Variants in TMTC4 observed in about 807,000 individuals in gnomAD.
TMTC4 encodes the protein transmembrane O-mannosyltransferase targeting cadherins 4.
A neutral mutation model predicts 86.0 loss-of-function variants in TMTC4; 65 were observed. The ratio of observed to expected loss-of-function variants is 0.76; its 90% confidence interval spans 0.62 to 0.93. The LOEUF is 0.93. Ranked by LOEUF, TMTC4 falls within the 40% of genes least tolerant of loss-of-function variation. The probability of loss-of-function intolerance (pLI) is 0.00; values close to 1 mark genes in which losing one functional copy is unlikely to be tolerated. For missense variants in TMTC4, 866 were observed against 948.1 expected (o/e 0.91, Z 1.14); for synonymous variants, 379 against 382.5 (o/e 0.99, Z 0.11).
chr13:100,649,003 T>G (rs999790220), intron 6 of TMTC4, among the ~76,000 whole-genome samples: 6 of 152,324 alleles, frequency 3.9e-5, no homozygotes, highest in African/African-American at 1.2e-4. Flanking sequence ...CTCAATATTT[T>G]ATCCAGTCAT....
At chr13:100,674,695 G>A in intron 1 of TMTC4, 49 bp downstream of exon 1, 1 of 982,724 alleles carries the variant, frequency 1.0e-6, no homozygotes, top group Non-Finnish European at 1.2e-6. Context: ...GTCCAACTCC[G>A]CTCGCCCCGC....
intron 16 of TMTC4, among the ~76,000 whole-genome samples, 193 bp downstream of exon 16, chr13:100,614,123 G>A (rs113696031): frequency 5.3e-5 from 8 of 152,110 alleles, no homozygotes; most frequent in Admixed American, 2.0e-4. Context: ...ACAGGTGTGA[G>A]CAACCGTGCC....
intron 5 of TMTC4, among the ~76,000 whole-genome samples, chr13:100,660,009 A>G (rs1885571429): frequency 6.6e-6 from 1 of 150,832 alleles, no homozygotes; most frequent in South Asian, 2.1e-4. Context: ...AAGACCTAAA[A>G]CATATTAATA....
At chr13:100,668,410 C>T in intron 3 of TMTC4, 169 bp downstream of exon 3, 1 of 682,852 alleles carries the variant, frequency 1.5e-6, no homozygotes. Context: ...ATAAGAAAGG[C>T]ACTAAATCAT....
intron 6 of TMTC4, among the ~76,000 whole-genome samples, chr13:100,649,923 T>C (rs888254079): frequency 2.6e-5 from 4 of 152,128 alleles, no homozygotes; most frequent in Non-Finnish European, 5.9e-5. Context: ...GCTGCACTTA[T>C]AAATATTTTT....
intron 6 of TMTC4, among the ~76,000 whole-genome samples, chr13:100,647,809 G>A (rs1461277461): frequency 6.6e-6 from 1 of 152,112 alleles, no homozygotes; most frequent in Non-Finnish European, 1.5e-5. Flanking sequence ...CTCTTATCTG[G>A]AATTTAAAAT....
intron 15 of TMTC4, among the ~76,000 whole-genome samples, chr13:100,622,903 A>G (rs1879765361): frequency 6.6e-6 from 1 of 152,212 alleles, no homozygotes; most frequent in Non-Finnish European, 1.5e-5. Context: ...CAGAGGGGGA[A>G]GGTCACATTT....
chr13:100,629,501 A>G (rs1292635799), intron 12 of TMTC4, among the ~76,000 whole-genome samples: 1 of 152,134 alleles, frequency 6.6e-6, no homozygotes, highest in East Asian at 1.9e-4. Flanking sequence ...AGGGCTGTGA[A>G]GTTGGATTAG....
chr13:100,613,334 C>T (rs569508364), intron 16 of TMTC4, among the ~76,000 whole-genome samples: 2 of 152,286 alleles, frequency 1.3e-5, no homozygotes, highest in African/African-American at 2.4e-5. Context: ...TGATATTTGC[C>T]TTTCTGTGCC....
chr13:100,623,963 G>T, intron 15 of TMTC4: 1 of 421,004 alleles, frequency 2.4e-6, no homozygotes, highest in Non-Finnish European at 4.7e-6. Context: ...CATTGTATGG[G>T]TCCAGTCTCT....
chr13:100,640,844 C>A (rs1379972159), intron 7 of TMTC4, among the ~76,000 whole-genome samples: 2 of 151,484 alleles, frequency 1.3e-5, no homozygotes, highest in Non-Finnish European at 2.9e-5. Context: ...AATTCCATAT[C>A]TTTCCATTTC....
intron 12 of TMTC4, among the ~76,000 whole-genome samples, chr13:100,632,053 A>ACACACACACACACACACTCTCTCTCT (rs1296569630): frequency 4.6e-5 from 2 of 43,104 alleles, no homozygotes; most frequent in African/African-American, 1.7e-4. Flanking sequence ...ACACACACAC[A>ACACACACACACACACACTCTCTCTCT]CTCTCTCTCT....
rs1881496711 is a variant in TMTC4, at chr13:100,632,051, ACACTCTCTCTCTCTCTCTCTCTCTCT to A, written c.1506+2728_1506+2753del. ...CACACACACACACACACACACACAC[ACACTCTCTCTCTCTCTCTCTCTCTCT>A]CTCTCTCTCTCTCTCTGTCTTTCTC... On this transcript the variant is annotated intron_variant, in intron 12 of 18. Transcript: ENST00000342624. 1.1e-4 allele frequency among the ~76,000 whole-genome samples: 3 copies of A among 28,544 alleles called. No individual in the cohort carries two copies. The South Asian group carries it at 3.6e-3, about 34-fold the overall frequency. 18.7% of individuals were successfully genotyped at this position (28,544 alleles called of 152,430 possible). A position where few individuals can be genotyped will look rare whatever the true frequency, so the allele number is the denominator to read the frequency against.
At position 100,612,410 on chromosome 13, in the gene TMTC4, G is replaced by A. The variant is rs1056056882; in HGVS notation, c.2052C>T (p.Ser684=). Residue 684 remains serine (S), a synonymous_variant, in exon 17 of 19, where the codon TCC becomes TCT. Transcript: ENST00000342624. ...GCGGTTTACGCACCTTGTATTTCTGGGATTTCCCCAGCACGTTTGCCAACG... is the reference window on the plus strand; with the variant it reads ...GCGGTTTACGCACCTTGTATTTCTGAGATTTCCCCAGCACGTTTGCCAACG... The part of the protein sequence containing the change: ...MFSLANVLGK[S]QKYKESEALF... 1.2e-6 allele frequency: 2 copies of A among 1,607,628 alleles called. No homozygotes were observed. Among genetic ancestry groups the A allele is most frequent in the Non-Finnish European group, 8.5e-7 (1 of 1,177,984 alleles).
chr13:100,648,697 T>C (rs958245959), intron 6 of TMTC4, among the ~76,000 whole-genome samples: 1 of 152,226 alleles, frequency 6.6e-6, no homozygotes, highest in Non-Finnish European at 1.5e-5. Context: ...ATTTTTGTTT[T>C]GAGACAAGGT....
intron 9 of TMTC4, among the ~76,000 whole-genome samples, chr13:100,637,178 C>G (rs1882351381): frequency 6.6e-6 from 1 of 152,058 alleles, no homozygotes; most frequent in African/African-American, 2.4e-5. Context: ...AAAGAATAGT[C>G]TTGACACCAC....
At position 100,655,016 on chromosome 13, in the gene TMTC4, A is replaced by ATTTT. The variant is rs35965658; in HGVS notation, c.640+1361_640+1364dup. 6.6e-4 allele frequency among the ~76,000 whole-genome samples: 78 copies of ATTTT among 118,600 alleles called. 4 individuals are homozygous for ATTTT. The highest frequency in any genetic ancestry group is 7.9e-4 in the Non-Finnish European group (47 of 59,176). The allele number at this position is 118,600 out of a possible 152,430, so 77.8% of individuals were successfully genotyped here. A position where few individuals can be genotyped will look rare whatever the true frequency, so the allele number is the denominator to read the frequency against. On this transcript the variant is annotated intron_variant, in intron 6 of 18. Coordinates refer to ENST00000342624, the MANE Select transcript of TMTC4 (RefSeq NM_032813.5). Reference sequence around the variant, plus strand: ...GTCTTTGAGAAAAGCCACAACGCCTATTTTTTTTTTTTTTTTTTTTTGTGA... The same window carrying ATTTT: ...GTCTTTGAGAAAAGCCACAACGCCTATTTTTTTTTTTTTTTTTTTTTTTTTGTGA...
At chr13:100,618,854 T>A (rs1045915884) in intron 15 of TMTC4, among the ~76,000 whole-genome samples, 1 of 152,212 alleles carries the variant, frequency 6.6e-6, no homozygotes, top group Non-Finnish European at 1.5e-5. Context: ...TTTTTCTTAG[T>A]ACGGAACAAA....
chr13:100,614,494 T>TA, intron 15 of TMTC4, 64 bp from the exon 16 acceptor site: 4 of 1,096,618 alleles, frequency 3.6e-6, no homozygotes, highest in Admixed American at 2.8e-5. Context: ...TCCAAGACAT[T>TA]ATTAAAAAAA....
Sources: allele counts gnomAD v4.1 joint callset (sites outside exome capture counted in the v4.1 genomes callset), GRCh38; gene constraint gnomAD v4.1.1; transcripts MANE v1.5; gene names NCBI Gene and HGNC (gene_info 2026-07-23, HGNC 2026-07-21).